Variants in PFDN1 observed in about 807,000 individuals in gnomAD.
PFDN1 encodes prefoldin subunit 1.
PFDN1 carries 6 observed loss-of-function variants against 17.3 expected under a neutral mutation model. The observed-to-expected ratio is 0.35, with a 90% CI of 0.19 to 0.69. PFDN1 has a LOEUF of 0.69. Among genes scored for constraint, PFDN1 ranks in the 30% least tolerant of loss-of-function variants. The probability of loss-of-function intolerance (pLI) is 0.65; values close to 1 mark genes in which losing one functional copy is unlikely to be tolerated. For synonymous variants in PFDN1, 58 were observed against 50.1 expected (o/e 1.16, Z -0.67); for missense variants, 113 against 146.2 (o/e 0.77, Z 1.17).
At position 140,252,911 on chromosome 5, in the gene PFDN1, A is replaced by T. The variant is rs1005623414; in HGVS notation, c.286-6854T>A. Among the ~76,000 whole-genome samples the T allele has an allele frequency of 4.6e-5, 7 of 152,206 alleles. No homozygotes were observed. In the East Asian group the frequency reaches 1.4e-3, roughly 29 times the overall value. On this transcript the variant is annotated intron_variant, in intron 3 of 3. Transcript: ENST00000261813. ...CTGGATGGGTGAGGAGGGCCAACAG[A>T]GGCAGGCAAAACCCCACACCTGAGA...
At chr5:140,261,052 C>T (rs1765057710) in intron 3 of PFDN1, among the ~76,000 whole-genome samples, 1 of 150,980 alleles carries the variant, frequency 6.6e-6, no homozygotes, top group African/African-American at 2.4e-5. Flanking sequence ...ATCCCAGCTA[C>T]TCAGGAGGCT....
chr5:140,245,817 G>C lies in PFDN1; in HGVS notation c.*157C>G, dbSNP rs1260649047. Reference sequence around the variant, plus strand: ...CGGGTAAAAACTCCAGGGCTGGGAAGCAAATGGGGCTCAGGGTGATGCAGA... The same window carrying C: ...CGGGTAAAAACTCCAGGGCTGGGAACCAAATGGGGCTCAGGGTGATGCAGA... On this transcript the variant is annotated 3_prime_UTR_variant, in exon 4 of 4. Transcript: ENST00000261813. 6 of 625,374 alleles carry C rather than the reference G, an allele frequency of 9.6e-6. No individual in the cohort carries two copies. The highest frequency in any genetic ancestry group is 1.7e-5 in the Non-Finnish European group (6 of 349,940). 38.7% of individuals were successfully genotyped at this position (625,374 alleles called of 1,614,324 possible).
intron 3 of PFDN1, chr5:140,262,583 G>A (rs1013310713): frequency 2.2e-6 from 1 of 455,414 alleles, no homozygotes; most frequent in African/African-American, 2.0e-5. Flanking sequence ...GGCAATGTTT[G>A]TGCTTCATAT....
chr5:140,294,645 G>C (rs1461151858), intron 2 of PFDN1, among the ~76,000 whole-genome samples: 1 of 152,018 alleles, frequency 6.6e-6, no homozygotes, highest in Non-Finnish European at 1.5e-5. Flanking sequence ...CTGTCATAAA[G>C]AGTTCAGATT....
Position 140,280,804 on chromosome 5 carries a change from C to T in PFDN1, c.285+645G>A, listed in dbSNP as rs566811764. Among the ~76,000 whole-genome samples the T allele has an allele frequency of 1.3e-4, 20 of 151,912 alleles. No homozygotes were observed. In the South Asian group the frequency reaches 4.0e-3, roughly 30 times the overall value. On this transcript the variant is annotated intron_variant, in intron 3 of 3. Transcript: ENST00000261813. ...CACAGGATGGGCCTTTCACCAAAGCCCAAGAAGAATATCTCACTAAAGGTC... is the reference window on the plus strand; with the variant it reads ...CACAGGATGGGCCTTTCACCAAAGCTCAAGAAGAATATCTCACTAAAGGTC...
intron 3 of PFDN1, among the ~76,000 whole-genome samples, chr5:140,275,313 G>C (rs1177789518): frequency 6.6e-6 from 1 of 151,604 alleles, no homozygotes; most frequent in Non-Finnish European, 1.5e-5. Flanking sequence ...GGAGGCTGAA[G>C]CAGGAGAATG....
At chr5:140,264,160 GTGAAC>G (rs1765105721) in intron 3 of PFDN1, among the ~76,000 whole-genome samples, 1 of 149,986 alleles carries the variant, frequency 6.7e-6, no homozygotes, top group Non-Finnish European at 1.5e-5. Context: ...CAGATTTTGA[GTGAAC>G]TGAACTGAGA....
chr5:140,297,913 C>T (rs1363297038), intron 2 of PFDN1, among the ~76,000 whole-genome samples: 1 of 152,116 alleles, frequency 6.6e-6, no homozygotes, highest in African/African-American at 2.4e-5. Flanking sequence ...CAAAGGCTAG[C>T]GCAGTGATGT....
chr5:140,245,703 C>G lies in PFDN1; in HGVS notation c.*271G>C. The stretch of plus-strand genomic sequence containing the variant: ...GGAAAGCTCAGGCAGAGCTTCCTAT[C>G]TTGCCCTGGCTCCCATCTTCCCTCT... On this transcript the variant is annotated 3_prime_UTR_variant, in exon 4 of 4. Coordinates refer to ENST00000261813, the MANE Select transcript of PFDN1 (RefSeq NM_002622.5). 1 of 618,796 alleles carries G rather than the reference C, an allele frequency of 1.6e-6. No homozygotes were observed. The allele number at this position is 618,796 out of a possible 1,614,324, so 38.3% of individuals were successfully genotyped here. A position where few individuals can be genotyped will look rare whatever the true frequency, so the allele number is the denominator to read the frequency against.
At chr5:140,276,757 G>A (rs1765299492) in intron 3 of PFDN1, among the ~76,000 whole-genome samples, 1 of 130,298 alleles carries the variant, frequency 7.7e-6, no homozygotes, top group Non-Finnish European at 1.6e-5. Context: ...CTCCAACCTG[G>A]GTGACAGAGT....
intron 3 of PFDN1, among the ~76,000 whole-genome samples, chr5:140,280,554 T>A (rs373937973): frequency 2.6e-4 from 40 of 152,182 alleles, no homozygotes; most frequent in East Asian, 2.1e-3. Context: ...TACTGCATAC[T>A]CCCAGGCCAG....
At chr5:140,252,972 T>C (rs967703771) in intron 3 of PFDN1, among the ~76,000 whole-genome samples, 4 of 152,154 alleles carry the variant, frequency 2.6e-5, no homozygotes, top group African/African-American at 9.7e-5. Flanking sequence ...TGCCCACTTG[T>C]AAACTCATCT....
chr5:140,247,406 C>T (rs1033261796), intron 3 of PFDN1, among the ~76,000 whole-genome samples: 1 of 152,066 alleles, frequency 6.6e-6, no homozygotes, highest in African/African-American at 2.4e-5. Flanking sequence ...TCCCAAAGTG[C>T]TGGCATTACA....
At chr5:140,256,993 G>C (rs1581082741) in intron 3 of PFDN1, among the ~76,000 whole-genome samples, 1 of 152,040 alleles carries the variant, frequency 6.6e-6, no homozygotes, top group Non-Finnish European at 1.5e-5. Flanking sequence ...GTTGAGGCAG[G>C]TGGATCACCT....
At chr5:140,252,657 A>C (rs1253440950) in intron 3 of PFDN1, among the ~76,000 whole-genome samples, 1 of 152,196 alleles carries the variant, frequency 6.6e-6, no homozygotes, top group Non-Finnish European at 1.5e-5. Context: ...AACTGCCCAC[A>C]ATGGGGATGT....
intron 2 of PFDN1, among the ~76,000 whole-genome samples, chr5:140,296,381 C>A (rs1765653735): frequency 6.6e-6 from 1 of 152,174 alleles, no homozygotes; most frequent in Non-Finnish European, 1.5e-5. Context: ...TATACATGGT[C>A]TCCCAGAGCT....
intron 2 of PFDN1, among the ~76,000 whole-genome samples, chr5:140,299,265 C>T (rs1022121166): frequency 1.3e-5 from 2 of 152,212 alleles, no homozygotes; most frequent in Admixed American, 6.5e-5. Flanking sequence ...TGAACTTACA[C>T]TTAAGTACCT....
chr5:140,250,295 C>CTCCCATGCTGCTCCTCCAA (rs1764894533), intron 3 of PFDN1, among the ~76,000 whole-genome samples: 1 of 152,210 alleles, frequency 6.6e-6, no homozygotes, highest in African/African-American at 2.4e-5. Flanking sequence ...TCACACAGGC[C>CTCCCATGCTGCTCCTCCAA]TCCCATGCTG....
intron 2 of PFDN1, among the ~76,000 whole-genome samples, chr5:140,294,843 G>A (rs957230909): frequency 1.6e-4 from 24 of 151,490 alleles, no homozygotes; most frequent in Admixed American, 9.9e-4. Context: ...TAGTAACACC[G>A]CTCCCAAACA....
Sources: gnomAD v4.1 joint callset for allele counts (sites outside exome capture counted in the v4.1 genomes callset) on GRCh38, gnomAD v4.1.1 for gene constraint, MANE v1.5 for transcripts, NCBI Gene and HGNC (gene_info 2026-07-23, HGNC 2026-07-21) for gene names.